The following UBAP2 variants were observed in gnomAD, a reference collection of about 807,000 sequenced individuals.
UBAP2 encodes the protein ubiquitin-associated protein 2.
UBAP2 carries 75 observed loss-of-function variants against 139.6 expected under a neutral mutation model. That is an observed-to-expected ratio of 0.54 (90% confidence interval 0.45 to 0.65). The LOEUF (loss-of-function observed/expected upper bound fraction) is 0.65, where lower values mean the gene tolerates loss of function less well. UBAP2 is among the 30% of genes least tolerant of loss of function. UBAP2 has a pLI of 0.00. For missense variants in UBAP2, 1,368 were observed against 1,369.6 expected, an observed-to-expected ratio of 1.00 and a Z score of 0.02; for synonymous variants, 526 against 526.2, an observed-to-expected ratio of 1.00 and a Z score of 0.01.
At chr9:33,987,584 G>T (rs566370329) in intron 5 of UBAP2, among the ~76,000 whole-genome samples, 4 of 152,092 alleles carry the variant, frequency 2.6e-5, no homozygotes, top group Non-Finnish European at 2.9e-5. Flanking sequence ...ACTTCAGCCT[G>T]GGTGAAAGAG....
intron 1 of UBAP2, among the ~76,000 whole-genome samples, chr9:34,036,806 CTTTTTTTT>C (rs869116521): frequency 1.0e-5 from 1 of 99,502 alleles, no homozygotes; most frequent in African/African-American, 4.5e-5. Flanking sequence ...AAGTTTTTCT[CTTTTTTTT>C]TTTTTTTTTT....
intron 15 of UBAP2, 121 bp downstream of exon 15, chr9:33,943,299 G>A: frequency 1.0e-6 from 1 of 960,382 alleles, no homozygotes; most frequent in Non-Finnish European, 1.5e-6. Context: ...GTTTCTTATG[G>A]AGATGATGGA....
chr9:34,011,497 G>A (rs1426531940), intron 2 of UBAP2: 8 of 377,560 alleles, frequency 2.1e-5, no homozygotes, highest in Non-Finnish European at 2.6e-5. Context: ...ATTTTAATGA[G>A]AACTTTAAGT....
rs1460453477 is a variant in UBAP2, at chr9:33,922,781, G to A, written c.3170C>T (p.Pro1057Leu). Residue 1057 changes from proline (P) to leucine (L), a missense_variant, in exon 28 of 29, where the codon CCT becomes CTT. Pro to Leu is a moderately conservative substitution (Grantham distance 98). Transcript: ENST00000379238. ...TAGGAATGGTGGGGGTGCATAGCCA[G>A]GGGCCGCTCCCGAGGCCAGGGGCCC... The part of the protein sequence containing the change: ...STGPLASGAA[P>L]GYAPPPFLHI... 2.6e-6 allele frequency: 4 copies of A among 1,560,946 alleles called. No individual in the cohort carries two copies. Among genetic ancestry groups the A allele is most frequent in the African/African-American group, 1.4e-5 (1 of 73,478 alleles).
chr9:34,001,420 T>A (rs1402527496), intron 2 of UBAP2, among the ~76,000 whole-genome samples: 2 of 152,232 alleles, frequency 1.3e-5, no homozygotes, highest in African/African-American at 4.8e-5. Flanking sequence ...TGGGAGCTGG[T>A]AAGCTCTGAT....
intron 1 of UBAP2, among the ~76,000 whole-genome samples, chr9:34,039,819 GA>G (rs1236214042): frequency 2.2e-5 from 2 of 89,032 alleles, no homozygotes; most frequent in East Asian, 4.1e-4. Flanking sequence ...CCCTCTGCGA[GA>G]AACACCCAAG....
chr9:33,973,247 A>C lies in UBAP2; in HGVS notation c.521-10T>G. The C allele has an allele frequency of 1.9e-6, 3 of 1,613,702 alleles. No homozygotes were observed. The highest frequency in any genetic ancestry group is 2.5e-6 in the Non-Finnish European group (3 of 1,179,690). On this transcript the variant is annotated splice_polypyrimidine_tract_variant and intron_variant, in intron 6 of 28. Transcript: ENST00000379238. ...CTGCCACGTCCAAATCCTTTAAAAA[A>C]ACACACAATTATAGTATAAAATAAT...
At chr9:33,924,052 G>A in intron 23 of UBAP2, 52 bp from the exon 24 acceptor site, 1 of 1,606,440 alleles carries the variant, frequency 6.2e-7, no homozygotes, top group Non-Finnish European at 8.5e-7. Flanking sequence ...CCAGAGAAAG[G>A]CCACACTGGC....
intron 19 of UBAP2, chr9:33,928,687 T>G (rs974531273): frequency 1.3e-5 from 2 of 152,196 alleles, no homozygotes; most frequent in African/African-American, 2.4e-5. Flanking sequence ...TGCCCAACCC[T>G]AGCAACAGGG....
chr9:34,013,172 A>G (rs945618974), intron 2 of UBAP2, among the ~76,000 whole-genome samples: 6 of 151,390 alleles, frequency 4.0e-5, no homozygotes, highest in Admixed American at 2.0e-4. Flanking sequence ...AAAAAAAAAA[A>G]AAGAGGTTAA....
At chr9:33,989,419 T>G (rs557064720) in intron 4 of UBAP2, among the ~76,000 whole-genome samples, 2 of 152,202 alleles carry the variant, frequency 1.3e-5, no homozygotes, top group African/African-American at 4.8e-5. Flanking sequence ...GCCATGATGG[T>G]CTCGATCTCC....
At chr9:33,983,129 C>T (rs1261941395) in intron 6 of UBAP2, among the ~76,000 whole-genome samples, 4 of 152,046 alleles carry the variant, frequency 2.6e-5, no homozygotes, top group Non-Finnish European at 5.9e-5. Context: ...CTGCTCGCCT[C>T]GGCCTCCAAA....
intron 17 of UBAP2, among the ~76,000 whole-genome samples, chr9:33,934,886 G>A (rs1044815580): frequency 6.6e-6 from 1 of 152,170 alleles, no homozygotes. Context: ...AGCCTTGGCA[G>A]CCCAACAATA....
At chr9:34,036,201 G>A (rs189733353) in intron 1 of UBAP2, among the ~76,000 whole-genome samples, 71 of 150,336 alleles carry the variant, frequency 4.7e-4, no homozygotes, top group African/African-American at 1.4e-3. Flanking sequence ...TGCAACCTCC[G>A]CCTCCCAGGT....
At chr9:33,947,966 AG>A (rs1006738252) in intron 13 of UBAP2, among the ~76,000 whole-genome samples, 25 of 147,388 alleles carry the variant, frequency 1.7e-4, no homozygotes, top group Non-Finnish European at 2.2e-4. Flanking sequence ...TACGCAGCAC[AG>A]GAAGACCCCA....
chr9:33,932,479 C>T lies in UBAP2; in HGVS notation c.2175+83G>A. 3 of 1,520,174 alleles carry T rather than the reference C, an allele frequency of 2.0e-6. No individual in the cohort carries two copies. In the South Asian group the frequency reaches 3.5e-5, roughly 18 times the overall value. 94.2% of individuals were successfully genotyped at this position (1,520,174 alleles called of 1,614,324 possible). On this transcript the variant is annotated intron_variant, in intron 19 of 28. Transcript: ENST00000379238. ...CTCTAGATTATCAGACACTAAAAATCAGACTGAAGCCCCAGCTGCATGTGA... is the reference window on the plus strand; with the variant it reads ...CTCTAGATTATCAGACACTAAAAATTAGACTGAAGCCCCAGCTGCATGTGA...
chr9:34,013,679 C>A (rs530604892), intron 2 of UBAP2, among the ~76,000 whole-genome samples: 1 of 152,002 alleles, frequency 6.6e-6, no homozygotes, highest in Non-Finnish European at 1.5e-5. Flanking sequence ...AAGTTTGAAA[C>A]CAGCCTGGCC....
intron 8 of UBAP2, among the ~76,000 whole-genome samples, chr9:33,968,721 AACAG>A (rs1334121405): frequency 2.0e-5 from 3 of 152,220 alleles, no homozygotes; most frequent in African/African-American, 4.8e-5. Flanking sequence ...ATCCTTTTAC[AACAG>A]ACAGTTGAAT....
intron 17 of UBAP2, chr9:33,935,626 A>C: frequency 3.2e-6 from 2 of 615,688 alleles, no homozygotes; most frequent in South Asian, 3.8e-5. Context: ...ATTAGGGCAG[A>C]AGAATATGAG....
Sources: allele counts gnomAD v4.1 joint callset (sites outside exome capture counted in the v4.1 genomes callset), GRCh38; gene constraint gnomAD v4.1.1; transcripts MANE v1.5; gene names NCBI Gene and HGNC (gene_info 2026-07-23, HGNC 2026-07-21).